CDH18: variants seen among roughly 807,000 people sequenced by gnomAD.
CDH18 encodes cadherin 18.
A neutral mutation model predicts 67.9 loss-of-function variants in CDH18; 31 were observed. That is an observed-to-expected ratio of 0.46 (90% CI 0.34 to 0.62). CDH18 has a LOEUF of 0.62. Among genes scored for constraint, CDH18 ranks in the 20% least tolerant of loss-of-function variants. The probability of loss-of-function intolerance (pLI) is 0.01; values close to 1 mark genes in which losing one functional copy is unlikely to be tolerated. For missense variants in CDH18, 890 were observed against 975.5 expected, an observed-to-expected ratio of 0.91 and a Z score of 1.17; for synonymous variants, 362 against 347.2, an observed-to-expected ratio of 1.04 and a Z score of -0.48.
At chr5:19,486,777 G>A (rs527515406) in intron 11 of CDH18, among the ~76,000 whole-genome samples, 1 of 152,130 alleles carries the variant, frequency 6.6e-6, no homozygotes. Context: ...TAGGCTGTCA[G>A]CAGTGAGACT....
At chr5:20,329,768 C>CAAAAAAAAA (rs60246535) in intron 1 of CDH18, among the ~76,000 whole-genome samples, 2 of 62,558 alleles carry the variant, frequency 3.2e-5, no homozygotes, top group Non-Finnish European at 5.5e-5. Context: ...GAAACTCCAT[C>CAAAAAAAAA]AAAAAAAAAA....
chr5:19,667,371 A>T (rs1560990478), intron 5 of CDH18, among the ~76,000 whole-genome samples: 1 of 151,292 alleles, frequency 6.6e-6, no homozygotes, highest in African/African-American at 2.4e-5. Context: ...ATAATACTTA[A>T]TCAGTTAATT....
intron 1 of CDH18, among the ~76,000 whole-genome samples, chr5:20,348,986 G>A (rs1740935580): frequency 6.6e-6 from 1 of 152,054 alleles, no homozygotes; most frequent in African/African-American, 2.4e-5. Context: ...CTCTACTAAT[G>A]TTAGATTCTG....
chr5:19,780,143 G>C (rs766001687), intron 3 of CDH18, among the ~76,000 whole-genome samples: 13 of 152,086 alleles, frequency 8.5e-5, no homozygotes, highest in Non-Finnish European at 1.8e-4. Context: ...CCACAGAAGA[G>C]TGCATAACTT....
At chr5:19,482,276 T>C (rs1034737781) in intron 12 of CDH18, among the ~76,000 whole-genome samples, 10 of 151,976 alleles carry the variant, frequency 6.6e-5, no homozygotes, top group African/African-American at 2.2e-4. Context: ...CCACCACCCC[T>C]GGCTAATTTT....
intron 1 of CDH18, among the ~76,000 whole-genome samples, chr5:20,398,399 C>T (rs1745459870): frequency 6.6e-6 from 1 of 151,986 alleles, no homozygotes. Context: ...TTCAGTGATT[C>T]AACCTATAAA....
chr5:19,744,503 T>TACACACACACAC (rs34059092), intron 4 of CDH18, among the ~76,000 whole-genome samples: 46 of 146,364 alleles, frequency 3.1e-4, no homozygotes, highest in African/African-American at 8.0e-4. Context: ...TAACTCAGTG[T>TACACACACACAC]ACACACACAC....
intron 7 of CDH18, among the ~76,000 whole-genome samples, chr5:19,586,860 G>C (rs910196512): frequency 6.6e-6 from 1 of 151,978 alleles, no homozygotes; most frequent in Non-Finnish European, 1.5e-5. Context: ...CCACAACCTC[G>C]TTAGCATCTG....
Position 19,955,704 on chromosome 5 carries a change from T to TA in CDH18, c.-257+25355dup, listed in dbSNP as rs574619463. Among the ~76,000 whole-genome samples, 49 of 151,468 alleles carry TA rather than the reference T, an allele frequency of 3.2e-4. No homozygotes were observed. In the East Asian group the frequency reaches 4.5e-3, roughly 14 times the overall value. On this transcript the variant is annotated intron_variant, in intron 2 of 12. Transcript: ENST00000382275. The stretch of plus-strand genomic sequence containing the variant: ...GAAATATGTAGATAGATAGCAAAGT[T>TA]AAAAAAAATAGAGTACAATGTGAGA...
chr5:20,444,488 G>C (rs565623940), intron 1 of CDH18, among the ~76,000 whole-genome samples: 3 of 152,286 alleles, frequency 2.0e-5, no homozygotes, highest in Admixed American at 6.5e-5. Context: ...AGTGAGCCAA[G>C]ATGGTGCCAC....
intron 5 of CDH18, among the ~76,000 whole-genome samples, chr5:19,653,618 G>T (rs1198335219): frequency 6.6e-6 from 1 of 152,098 alleles, no homozygotes; most frequent in Non-Finnish European, 1.5e-5. Context: ...CTCACTGAAG[G>T]TTCTTTTAAA....
At chr5:20,502,939 A>G (rs1448773316) in intron 1 of CDH18, among the ~76,000 whole-genome samples, 1 of 152,164 alleles carries the variant, frequency 6.6e-6, no homozygotes, top group Non-Finnish European at 1.5e-5. Flanking sequence ...TAACTATACA[A>G]TTAAACTTAA....
At chr5:19,920,238 G>C (rs1270336774) in intron 2 of CDH18, among the ~76,000 whole-genome samples, 1 of 152,052 alleles carries the variant, frequency 6.6e-6, no homozygotes, top group Non-Finnish European at 1.5e-5. Context: ...ATATAATTTA[G>C]ACATTAGAAA....
intron 5 of CDH18, among the ~76,000 whole-genome samples, chr5:19,709,004 TTAAATAAA>T (rs1458426187): frequency 6.7e-6 from 1 of 149,072 alleles, no homozygotes; most frequent in African/African-American, 2.5e-5. Context: ...CTAGACTCTG[TTAAATAAA>T]TAAATAAATA....
intron 5 of CDH18, among the ~76,000 whole-genome samples, chr5:19,632,108 T>C (rs1178364176): frequency 6.6e-6 from 1 of 152,164 alleles, no homozygotes; most frequent in Non-Finnish European, 1.5e-5. Flanking sequence ...CAGCAGTGTA[T>C]ACCACATGGT....
At chr5:19,738,807 C>T (rs550937076) in intron 4 of CDH18, among the ~76,000 whole-genome samples, 13 of 151,962 alleles carry the variant, frequency 8.6e-5, no homozygotes, top group East Asian at 7.8e-4. Context: ...ACCTGAATGA[C>T]GAAATAATCT....
chr5:19,652,572 T>C (rs1755737266), intron 5 of CDH18, among the ~76,000 whole-genome samples: 1 of 152,038 alleles, frequency 6.6e-6, no homozygotes, highest in Admixed American at 6.6e-5. Flanking sequence ...TCCTGAAAAG[T>C]AGGTAAGAAG....
At chr5:19,915,745 G>C (rs1199851849) in intron 2 of CDH18, among the ~76,000 whole-genome samples, 1 of 151,780 alleles carries the variant, frequency 6.6e-6, no homozygotes, top group Non-Finnish European at 1.5e-5. Context: ...TAGATAGATG[G>C]ATAGGTGTTT....
At chr5:19,654,027 T>C (rs1026065073) in intron 5 of CDH18, among the ~76,000 whole-genome samples, 1 of 152,180 alleles carries the variant, frequency 6.6e-6, no homozygotes, top group Admixed American at 6.5e-5. Flanking sequence ...ATTTTGCCCA[T>C]AATGTGTATA....
Sources: allele counts gnomAD v4.1 joint callset (sites outside exome capture counted in the v4.1 genomes callset), GRCh38; gene constraint gnomAD v4.1.1; transcripts MANE v1.5; gene names NCBI Gene and HGNC (gene_info 2026-07-23, HGNC 2026-07-21).